SNTA1: variants seen among roughly 807,000 people sequenced by gnomAD.
SNTA1 encodes the protein alpha-1-syntrophin.
SNTA1 carries 31 observed loss-of-function variants against 47.1 expected under a neutral mutation model. The ratio of observed to expected loss-of-function variants is 0.66; its 90% CI spans 0.49 to 0.89. SNTA1 has a LOEUF of 0.89. Among genes scored for constraint, SNTA1 ranks in the 40% least tolerant of loss-of-function variants. The probability of loss-of-function intolerance (pLI) is 0.00; values close to 1 mark genes in which losing one functional copy is unlikely to be tolerated. For missense variants in SNTA1, 575 were observed against 693.0 expected (o/e 0.83, Z 1.91); for synonymous variants, 300 against 313.6 (o/e 0.96, Z 0.46).
intron 2 of SNTA1, among the ~76,000 whole-genome samples, chr20:33,422,332 A>G (rs988499413): frequency 3.3e-5 from 5 of 151,380 alleles, no homozygotes; most frequent in African/African-American, 1.2e-4. Flanking sequence ...CCAGCTACTC[A>G]GGAGGCTGAG....
chr20:33,434,707 T>C (rs1990393814), intron 2 of SNTA1, among the ~76,000 whole-genome samples: 1 of 152,068 alleles, frequency 6.6e-6, no homozygotes, highest in Non-Finnish European at 1.5e-5. Context: ...CACTCTTTTT[T>C]TTTTTTTTCC....
Position 33,415,409 on chromosome 20 carries a change from C to T in SNTA1, c.701+2310G>A, listed in dbSNP as rs532566348. On this transcript the variant is annotated intron_variant, in intron 3 of 7. Coordinates refer to ENST00000217381, the MANE Select transcript of SNTA1 (RefSeq NM_003098.3). ...TGGTGGCTCACCCCTGTAATCCCAG[C>T]ACTTTGGGAGCCCAAGGTGGGTGGA... 2.0e-5 allele frequency among the ~76,000 whole-genome samples: 3 copies of T among 152,346 alleles called. No homozygotes were observed. In the South Asian group the frequency reaches 6.2e-4, roughly 32 times the overall value.
intron 2 of SNTA1, among the ~76,000 whole-genome samples, chr20:33,429,616 G>C (rs918150004): frequency 6.6e-6 from 1 of 151,968 alleles, no homozygotes; most frequent in Non-Finnish European, 1.5e-5. Context: ...GCCAACAAGA[G>C]AGAAACTCCA....
Position 33,412,684 on chromosome 20 carries a change from T to C in SNTA1, c.800A>G (p.Gln267Arg). ...ARSWATAIQA[Q>R]VNTLTPRVKD... ...GACCCGCGGCGTCAGAGTATTGACC[T>C]GGGCTTGGATGGCAGTCGCCCACGA... The change falls in exon 4 of 8, where the codon CAG becomes CGG. Residue 267 changes from glutamine to arginine, a missense_variant. Transcript: ENST00000217381. 2 of 1,613,852 alleles carry C rather than the reference T, an allele frequency of 1.2e-6. No homozygotes were observed. The highest frequency in any genetic ancestry group is 1.1e-5 in the South Asian group (1 of 91,068).
At chr20:33,438,787 A>C (rs1600864063) in intron 2 of SNTA1, 54 bp downstream of exon 2, 1 of 1,427,460 alleles carries the variant, frequency 7.0e-7, no homozygotes, top group East Asian at 2.3e-5. Flanking sequence ...GAGGTAGAGA[A>C]GCAGTGGAAC....
At chr20:33,413,428 C>T (rs1989796194) in intron 3 of SNTA1, among the ~76,000 whole-genome samples, 1 of 152,116 alleles carries the variant, frequency 6.6e-6, no homozygotes, top group Non-Finnish European at 1.5e-5. Context: ...CGTGCCCAGC[C>T]TACACGTATG....
At chr20:33,439,896 G>C (rs1990537824) in intron 1 of SNTA1, among the ~76,000 whole-genome samples, 2 of 152,232 alleles carry the variant, frequency 1.3e-5, no homozygotes, top group African/African-American at 4.8e-5. Flanking sequence ...AAGGCTGCCA[G>C]GTGGATCACC....
intron 2 of SNTA1, among the ~76,000 whole-genome samples, chr20:33,438,429 C>T (rs1990495255): frequency 6.6e-6 from 1 of 152,198 alleles, no homozygotes; most frequent in Non-Finnish European, 1.5e-5. Context: ...AAGAATCTGA[C>T]CTGCCCCTTC....
chr20:33,410,465 G>T, intron 5 of SNTA1, 134 bp from the exon 6 acceptor site: 1 of 638,974 alleles, frequency 1.6e-6, no homozygotes, highest in Non-Finnish European at 2.8e-6. Flanking sequence ...TTGCCAGGGG[G>T]CACTGATTGA....
At chr20:33,437,982 G>A (rs6059322) in intron 2 of SNTA1, among the ~76,000 whole-genome samples, 7 of 152,348 alleles carry the variant, frequency 4.6e-5, no homozygotes, top group African/African-American at 1.7e-4. Flanking sequence ...GATCCTGGCT[G>A]GAAGGATTTG....
chr20:33,432,208 A>T (rs764721733), intron 2 of SNTA1, among the ~76,000 whole-genome samples: 1 of 152,178 alleles, frequency 6.6e-6, no homozygotes, highest in Non-Finnish European at 1.5e-5. Context: ...AATTAGCTAC[A>T]TCCAGAATGA....
intron 2 of SNTA1, among the ~76,000 whole-genome samples, chr20:33,422,998 C>G (rs1031494071): frequency 6.6e-6 from 1 of 152,112 alleles, no homozygotes; most frequent in Non-Finnish European, 1.5e-5. Flanking sequence ...GTCTGTGTCC[C>G]CAACTAGGCT....
chr20:33,432,790 G>A (rs569053519), intron 2 of SNTA1, among the ~76,000 whole-genome samples: 1 of 152,342 alleles, frequency 6.6e-6, no homozygotes, highest in East Asian at 1.9e-4. Flanking sequence ...GAGCCCAGGA[G>A]TTGAGGCTGC....
chr20:33,410,908 T>C (rs992833370), intron 5 of SNTA1, among the ~76,000 whole-genome samples: 1 of 152,224 alleles, frequency 6.6e-6, no homozygotes, highest in East Asian at 1.9e-4. Context: ...AAACTTTTGT[T>C]GCCTAACTTG....
intron 2 of SNTA1, among the ~76,000 whole-genome samples, chr20:33,418,516 G>A (rs1235159385): frequency 6.6e-6 from 1 of 152,060 alleles, no homozygotes; most frequent in Non-Finnish European, 1.5e-5. Context: ...TCCCAGGCTG[G>A]GCATGTTGGC....
chr20:33,436,626 A>C (rs1032845821), intron 2 of SNTA1, among the ~76,000 whole-genome samples: 3 of 152,002 alleles, frequency 2.0e-5, no homozygotes, highest in African/African-American at 7.3e-5. Flanking sequence ...CCTTAAGCCC[A>C]GGAGTTGGAG....
chr20:33,438,266 T>C (rs1191301406), intron 2 of SNTA1, among the ~76,000 whole-genome samples: 1 of 152,072 alleles, frequency 6.6e-6, no homozygotes, highest in African/African-American at 2.4e-5. Flanking sequence ...TGCCACTGTA[T>C]TCCAGCCTGG....
At chr20:33,415,935 C>G (rs1989863484) in intron 3 of SNTA1, among the ~76,000 whole-genome samples, 2 of 152,002 alleles carry the variant, frequency 1.3e-5, no homozygotes, top group African/African-American at 4.8e-5. Flanking sequence ...ATGGTGAAAC[C>G]CCATCTCTAA....
In SNTA1 at chr20:33,433,252, G is replaced by A. The variant is rs540528220; in HGVS notation, c.496+5589C>T. On this transcript the variant is annotated intron_variant, in intron 2 of 7. Coordinates refer to ENST00000217381, the MANE Select transcript of SNTA1 (RefSeq NM_003098.3). ...GCCTTAGTATTATTTTTTGTTTTTT[G>A]TCGGGTTTTTCTTTTTTCTTTTTTT... Among the ~76,000 whole-genome samples the A allele has an allele frequency of 5.3e-4, 78 of 147,978 alleles. 3 individuals are homozygous for A. In the South Asian group the frequency reaches 0.015, roughly 28 times the overall value.
Sources: gnomAD v4.1 joint callset for allele counts (sites outside exome capture counted in the v4.1 genomes callset) on GRCh38, gnomAD v4.1.1 for gene constraint, MANE v1.5 for transcripts, NCBI Gene and HGNC (gene_info 2026-07-23, HGNC 2026-07-21) for gene names.